Variants in NEK11 observed in about 807,000 individuals in gnomAD.
The protein encoded by NEK11 is NIMA related kinase 11, also known as serine/threonine-protein kinase Nek11.
NEK11 carries 72 observed loss-of-function variants against 80.7 expected under a neutral mutation model. That is an observed-to-expected ratio of 0.89 (90% CI 0.74 to 1.08). NEK11 has a LOEUF of 1.08. Ranked by LOEUF, NEK11 falls within the 50% of genes least tolerant of loss-of-function variation. The pLI, the probability that NEK11 is intolerant of heterozygous loss-of-function variation, is 0.00. For missense variants in NEK11, 764 were observed against 763.6 expected (o/e 1.00, Z -0.01); for synonymous variants, 251 against 260.7 (o/e 0.96, Z 0.36).
chr3:131,116,027 G>T (rs577991291), intron 5 of NEK11, among the ~76,000 whole-genome samples: 1 of 145,394 alleles, frequency 6.9e-6, no homozygotes, highest in South Asian at 2.2e-4. Context: ...TACACAACGT[G>T]CAGGTTTGTT....
chr3:131,290,701 C>T (rs1403477957), intron 17 of NEK11, among the ~76,000 whole-genome samples: 4 of 152,190 alleles, frequency 2.6e-5, no homozygotes, highest in African/African-American at 9.7e-5. Context: ...AACCATGCAC[C>T]TAGATTTCTA....
At position 131,044,427 on chromosome 3, in the gene NEK11, A is replaced by AG. The variant is rs1158889346; in HGVS notation, c.170+14549_170+14550insG. Among the ~76,000 whole-genome samples the AG allele has an allele frequency of 3.0e-3, 302 of 100,090 alleles. 4 individuals carry two copies. Among genetic ancestry groups the AG allele is most frequent in the African/African-American group, 0.01 (291 of 28,066 alleles). 65.7% of individuals were successfully genotyped at this position (100,090 alleles called of 152,430 possible). ...TTTACCAAGCAAATGGAAAGCAAAAAAAAAAAAAAAAAAAAAGGTGGGGGG... is the reference window on the plus strand; with the variant it reads ...TTTACCAAGCAAATGGAAAGCAAAAAGAAAAAAAAAAAAAAAAGGTGGGGGG... On this transcript the variant is annotated intron_variant, in intron 3 of 17. Transcript: ENST00000383366.
At chr3:131,069,372 C>A (rs1266268587) in intron 3 of NEK11, among the ~76,000 whole-genome samples, 1 of 152,084 alleles carries the variant, frequency 6.6e-6, no homozygotes, top group Non-Finnish European at 1.5e-5. Context: ...AAAATACAAA[C>A]CTGGTGGGAC....
At chr3:131,087,229 C>A (rs1369167480) in intron 4 of NEK11, among the ~76,000 whole-genome samples, 1 of 139,686 alleles carries the variant, frequency 7.2e-6, no homozygotes, top group East Asian at 2.1e-4. Flanking sequence ...AAGAAATATG[C>A]AAATTCTTTT....
rs755588563 is a variant in NEK11, at chr3:131,080,495, A to C, written c.243A>C (p.Gln81His). Reference sequence around the variant, plus strand: ...CTGTACAGGCCAATTTGGAAGCCCAACTCCTCTCCAAGCTGGACCACCCAG... The same window carrying C: ...CTGTACAGGCCAATTTGGAAGCCCACCTCCTCTCCAAGCTGGACCACCCAG... ...NETVQANLEA[Q>H]LLSKLDHPAI... The change falls in exon 4 of 18, where the codon CAA (glutamine) becomes CAC (histidine). Residue 81 changes from glutamine to histidine, a missense_variant. Physicochemically the swap from Gln to His is conservative, Grantham distance 24. Transcript: ENST00000383366. The C allele has an allele frequency of 5.8e-5, 94 of 1,613,818 alleles. No homozygotes were observed. The Middle Eastern group carries it at 6.6e-4, about 11-fold the overall frequency.
intron 3 of NEK11, among the ~76,000 whole-genome samples, chr3:131,032,719 T>C (rs2065052487): frequency 6.6e-6 from 1 of 152,218 alleles, no homozygotes; most frequent in African/African-American, 2.4e-5. Flanking sequence ...TTCTTATCTT[T>C]AAAATGAGTA....
chr3:131,083,450 G>A (rs937372106), intron 4 of NEK11, among the ~76,000 whole-genome samples: 3 of 152,230 alleles, frequency 2.0e-5, no homozygotes, highest in African/African-American at 4.8e-5. Context: ...CTGGACTCCT[G>A]AGGAGTGACT....
chr3:131,159,967 C>T (rs1180224198), intron 10 of NEK11, among the ~76,000 whole-genome samples: 3 of 151,986 alleles, frequency 2.0e-5, no homozygotes, highest in Non-Finnish European at 1.5e-5. Flanking sequence ...AAAATTGAAG[C>T]AATTTGGAAA....
chr3:131,283,076 G>A (rs1316440402), intron 17 of NEK11, among the ~76,000 whole-genome samples: 2 of 152,094 alleles, frequency 1.3e-5, no homozygotes, highest in African/African-American at 4.8e-5. Flanking sequence ...ATTTCAAGAG[G>A]TGAAGAAACC....
chr3:131,124,153 C>CT (rs2082877124), intron 5 of NEK11, among the ~76,000 whole-genome samples: 1 of 152,128 alleles, frequency 6.6e-6, no homozygotes, highest in Non-Finnish European at 1.5e-5. Context: ...TCACTCCCCC[C>CT]TTTTTTTGTC....
At chr3:131,211,199 C>T (rs1014558277) in intron 14 of NEK11, among the ~76,000 whole-genome samples, 9 of 152,182 alleles carry the variant, frequency 5.9e-5, no homozygotes, top group Admixed American at 2.6e-4. Context: ...ATTTGCTTGT[C>T]TGTAAAGTAT....
intron 14 of NEK11, among the ~76,000 whole-genome samples, chr3:131,208,676 A>C (rs1248691808): frequency 6.6e-6 from 1 of 152,068 alleles, no homozygotes; most frequent in Non-Finnish European, 1.5e-5. Context: ...AAGAGGTCCT[A>C]CACATCCCTT....
intron 7 of NEK11, among the ~76,000 whole-genome samples, chr3:131,140,870 C>A (rs900803167): frequency 2.6e-5 from 4 of 152,098 alleles, no homozygotes; most frequent in African/African-American, 9.7e-5. Context: ...TTTCTCCCAA[C>A]CCCCACCTCA....
chr3:131,056,701 A>T (rs2069571011), intron 3 of NEK11, among the ~76,000 whole-genome samples: 1 of 152,110 alleles, frequency 6.6e-6, no homozygotes, highest in African/African-American at 2.4e-5. Flanking sequence ...CTATGGTTCT[A>T]GTGGAGAACA....
intron 4 of NEK11, among the ~76,000 whole-genome samples, chr3:131,082,257 G>A (rs577434916): frequency 6.6e-6 from 1 of 152,222 alleles, no homozygotes; most frequent in African/African-American, 2.4e-5. Context: ...TGCATATGTT[G>A]CATACTATGA....
intron 4 of NEK11, among the ~76,000 whole-genome samples, chr3:131,081,514 T>C (rs2075275317): frequency 6.6e-6 from 1 of 152,110 alleles, no homozygotes; most frequent in Admixed American, 6.6e-5. Flanking sequence ...GTAGCTGCAG[T>C]GTGAATCTGT....
intron 5 of NEK11, among the ~76,000 whole-genome samples, chr3:131,129,138 C>T (rs2083929691): frequency 6.7e-6 from 1 of 148,942 alleles, no homozygotes; most frequent in African/African-American, 2.5e-5. Flanking sequence ...GCAAGCTCCA[C>T]CTCCCAGGTT....
chr3:131,267,401 CA>C (rs1236018356), intron 16 of NEK11, among the ~76,000 whole-genome samples: 2 of 152,178 alleles, frequency 1.3e-5, no homozygotes, highest in African/African-American at 4.8e-5. Flanking sequence ...TAAAATCGCT[CA>C]ACATTTGTTT....
chr3:131,090,700 T>G (rs1464804025), intron 4 of NEK11, among the ~76,000 whole-genome samples: 10 of 152,240 alleles, frequency 6.6e-5, no homozygotes, highest in Non-Finnish European at 1.0e-4. Flanking sequence ...TAATTTGTTG[T>G]GTCTAAATCT....
Sources: gnomAD v4.1 joint callset for allele counts (sites outside exome capture counted in the v4.1 genomes callset) on GRCh38, gnomAD v4.1.1 for gene constraint, MANE v1.5 for transcripts, NCBI Gene and HGNC (gene_info 2026-07-23, HGNC 2026-07-21) for gene names.